Variants in SETBP1 observed in about 807,000 individuals in gnomAD.
The protein encoded by SETBP1 is SET-binding protein.
A neutral mutation model predicts 101.0 loss-of-function variants in SETBP1; 9 were observed. The ratio of observed to expected loss-of-function variants is 0.09; its 90% confidence interval spans 0.05 to 0.16. SETBP1 has a LOEUF of 0.16. SETBP1 is among the 10% of genes least tolerant of loss of function. The pLI is 1.00. For synonymous variants in SETBP1, 818 were observed against 788.5 expected (o/e 1.04, Z -0.63); for missense variants, 1,858 against 2,033.8 (o/e 0.91, Z 1.66).
chr18:45,031,365 A>T (rs930094742), intron 4 of SETBP1, among the ~76,000 whole-genome samples: 1 of 152,120 alleles, frequency 6.6e-6, no homozygotes, highest in Non-Finnish European at 1.5e-5. Flanking sequence ...TGGAGGGGAA[A>T]CATTATTTTC....
intron 1 of SETBP1, among the ~76,000 whole-genome samples, chr18:44,689,024 G>C (rs2068884056): frequency 6.6e-6 from 1 of 152,164 alleles, no homozygotes; most frequent in Non-Finnish European, 1.5e-5. Flanking sequence ...TTGCTGAAAT[G>C]GAAAGCATTC....
At chr18:44,787,235 G>C (rs759436234) in intron 2 of SETBP1, among the ~76,000 whole-genome samples, 29 of 152,146 alleles carry the variant, frequency 1.9e-4, no homozygotes, top group Admixed American at 5.9e-4. Context: ...TGGTGATATA[G>C]CTTAATTCAA....
chr18:44,712,243 G>A (rs756485731), intron 2 of SETBP1, among the ~76,000 whole-genome samples: 24 of 152,192 alleles, frequency 1.6e-4, no homozygotes, highest in Middle Eastern at 3.2e-3. Context: ...CACAGTGGGG[G>A]ATAGGAGGTT....
intron 2 of SETBP1, among the ~76,000 whole-genome samples, chr18:44,806,343 G>C (rs940097880): frequency 6.6e-6 from 1 of 152,130 alleles, no homozygotes; most frequent in Admixed American, 6.6e-5. Flanking sequence ...ACAAGACCTT[G>C]TCCCCTGCTA....
intron 5 of SETBP1, among the ~76,000 whole-genome samples, chr18:45,048,056 G>A (rs1173261042): frequency 6.6e-6 from 1 of 152,180 alleles, no homozygotes; most frequent in Non-Finnish European, 1.5e-5. Flanking sequence ...GAGACCAGAA[G>A]GGTTACAAAT....
At chr18:44,790,629 G>A (rs2071349491) in intron 2 of SETBP1, among the ~76,000 whole-genome samples, 1 of 152,202 alleles carries the variant, frequency 6.6e-6, no homozygotes, top group Non-Finnish European at 1.5e-5. Context: ...GTAAGGCATG[G>A]GATCTCAGTA....
intron 3 of SETBP1, among the ~76,000 whole-genome samples, chr18:44,896,562 G>A (rs2069907826): frequency 1.3e-5 from 2 of 151,982 alleles, no homozygotes; most frequent in Non-Finnish European, 2.9e-5. Flanking sequence ...GTGCCATCTC[G>A]GCTCACTACA....
At chr18:45,046,115 C>T (rs2073607310) in intron 5 of SETBP1, among the ~76,000 whole-genome samples, 2 of 152,186 alleles carry the variant, frequency 1.3e-5, no homozygotes, top group South Asian at 4.1e-4. Flanking sequence ...CTGTGCTCCA[C>T]CTGTGTCCCA....
chr18:44,828,985 C>A (rs117118184), intron 2 of SETBP1, among the ~76,000 whole-genome samples: 412 of 152,310 alleles, frequency 2.7e-3, no homozygotes, highest in Non-Finnish European at 4.6e-3. Context: ...GTTGTTTTAG[C>A]CACCCAGTCT....
At chr18:44,848,203 A>G (rs1031783815) in intron 2 of SETBP1, among the ~76,000 whole-genome samples, 3 of 152,212 alleles carry the variant, frequency 2.0e-5, no homozygotes, top group Non-Finnish European at 4.4e-5. Flanking sequence ...GCTGAAGCCC[A>G]GTAAGCTAGC....
intron 2 of SETBP1, among the ~76,000 whole-genome samples, chr18:44,708,812 G>A (rs1199086241): frequency 6.6e-6 from 1 of 152,122 alleles, no homozygotes; most frequent in Non-Finnish European, 1.5e-5. Context: ...CTGAGGTCTT[G>A]TTTCTGTTCT....
At position 44,952,588 on chromosome 18, in the gene SETBP1, C is replaced by T. The variant is rs1048349666; in HGVS notation, c.3248C>T (p.Ser1083Phe). ...CTATCGCACACGCTTGGAGCAGCTT[C>T]CCCATTCATGAGGCCAACAGTGCCA... ...LYLSHTLGAA[S>F]PFMRPTVPPP... is the part of the protein sequence containing the mutation. Residue 1083 changes from serine to phenylalanine, a missense_variant, in exon 4 of 6, where the codon TCC (serine) becomes TTC (phenylalanine). Physicochemically the swap from Ser to Phe is radical, Grantham distance 155. This residue lies in a region of SETBP1 where 255 missense variants were observed against 300.1 expected (regional missense o/e 0.85). Transcript: ENST00000649279. 1.5e-5 allele frequency: 25 copies of T among 1,613,696 alleles called. No homozygotes were observed.
intron 3 of SETBP1, among the ~76,000 whole-genome samples, chr18:44,915,347 A>C (rs2070402239): frequency 6.6e-6 from 1 of 152,196 alleles, no homozygotes; most frequent in Non-Finnish European, 1.5e-5. Flanking sequence ...AGGCTAAAGG[A>C]TCTTGGCAGC....
chr18:44,774,272 T>G (rs547570863), intron 2 of SETBP1, among the ~76,000 whole-genome samples: 2 of 152,242 alleles, frequency 1.3e-5, no homozygotes, highest in African/African-American at 4.8e-5. Context: ...CCATAGAAAA[T>G]TGTTCCATCT....
At chr18:44,685,974 A>C (rs7244947) in intron 1 of SETBP1, among the ~76,000 whole-genome samples, 41,053 of 152,140 alleles carry the variant, frequency 0.27, 6,604 homozygotes, top group East Asian at 0.51. Context: ...GATCAGCAAG[A>C]AAAAAGGAAA....
chr18:44,800,880 C>A (rs2071593023), intron 2 of SETBP1, among the ~76,000 whole-genome samples: 1 of 152,156 alleles, frequency 6.6e-6, no homozygotes, highest in Admixed American at 6.5e-5. Flanking sequence ...TGGAACCAAC[C>A]CAAATGTCCA....
At chr18:44,920,802 T>C (rs1162216210) in intron 3 of SETBP1, among the ~76,000 whole-genome samples, 2 of 152,178 alleles carry the variant, frequency 1.3e-5, no homozygotes, top group African/African-American at 4.8e-5. Context: ...CAATTTATGC[T>C]TTAAGAGTAT....
At chr18:45,011,335 A>G (rs114559821) in intron 4 of SETBP1, among the ~76,000 whole-genome samples, 1,856 of 152,286 alleles carry the variant, frequency 0.012, 23 homozygotes, top group African/African-American at 0.038. Context: ...GTCTAGATAA[A>G]TCTCCTCTCT....
At chr18:44,992,981 G>A (rs1214395565) in intron 4 of SETBP1, among the ~76,000 whole-genome samples, 1 of 151,874 alleles carries the variant, frequency 6.6e-6, no homozygotes. Context: ...ATTTACCTCA[G>A]GAATGCAATT....
Sources: gnomAD v4.1 joint callset for allele counts (sites outside exome capture counted in the v4.1 genomes callset) on GRCh38, gnomAD v4.1.1 for gene constraint, gnomAD v4.1.1 regional missense constraint, MANE v1.5 for transcripts, NCBI Gene and HGNC (gene_info 2026-07-23, HGNC 2026-07-21) for gene names.